Variants in LGSN observed in about 807,000 individuals in gnomAD.
LGSN encodes lengsin, lens protein with glutamine synthetase domain.
In LGSN, 21 loss-of-function variants were observed where a neutral mutation model predicts 19.5. The ratio of observed to expected loss-of-function variants is 1.07; its 90% CI spans 0.76 to 1.55. The LOEUF (loss-of-function observed/expected upper bound fraction) is 1.55, where lower values mean the gene tolerates loss of function less well. Among genes scored for constraint, LGSN ranks in the 40% most tolerant of loss-of-function variants. LGSN has a pLI of 0.00. For synonymous variants in LGSN, 257 were observed against 215.6 expected (o/e 1.19, Z -1.68); for missense variants, 673 against 608.5 (o/e 1.11, Z -1.12).
the LGSN span, among the ~76,000 whole-genome samples, chr6:63,389,372 T>A: frequency 6.6e-6 from 1 of 152,236 alleles, no homozygotes; most frequent in Admixed American, 6.5e-5. Flanking sequence ...TTCTTGTGTT[T>A]CTATGTGTTC....
chr6:63,421,046 T>TAA, the LGSN span, among the ~76,000 whole-genome samples: 5 of 151,748 alleles, frequency 3.3e-5, no homozygotes, highest in South Asian at 4.2e-4. Context: ...GTGAGTCAGG[T>TAA]AAAAAAAATG....
chr6:63,405,669 CAT>C, the LGSN span, among the ~76,000 whole-genome samples: 2 of 152,130 alleles, frequency 1.3e-5, no homozygotes, highest in African/African-American at 4.8e-5. Flanking sequence ...CAAATTCACA[CAT>C]AACAATATTA....
upstream of LGSN, among the ~76,000 whole-genome samples, chr6:63,321,069 T>A (rs1320188784): frequency 6.6e-6 from 1 of 152,144 alleles, no homozygotes. Flanking sequence ...AATATGGCTG[T>A]TTTGGACTCT....
chr6:63,468,693 G>A, the LGSN span, among the ~76,000 whole-genome samples: 1 of 152,190 alleles, frequency 6.6e-6, no homozygotes, highest in African/African-American at 2.4e-5. Flanking sequence ...CTCCCAAAGT[G>A]CTAGGATTAC....
At chr6:63,444,998 G>A in the LGSN span, among the ~76,000 whole-genome samples, 1 of 152,176 alleles carries the variant, frequency 6.6e-6, no homozygotes, top group Non-Finnish European at 1.5e-5. Flanking sequence ...AGTGCCATTT[G>A]CAGGGCAGAC....
At chr6:63,420,091 T>G in the LGSN span, among the ~76,000 whole-genome samples, 3 of 150,970 alleles carry the variant, frequency 2.0e-5, no homozygotes, top group African/African-American at 7.3e-5. Flanking sequence ...TAGTCCCAGC[T>G]ACTCTGGAGG....
At chr6:63,558,550 G>T in the LGSN span, among the ~76,000 whole-genome samples, 1 of 152,194 alleles carries the variant, frequency 6.6e-6, no homozygotes, top group Non-Finnish European at 1.5e-5. Context: ...TCTCATGGGG[G>T]AAGAGAGATT....
chr6:63,569,464 C>G, the LGSN span, among the ~76,000 whole-genome samples: 2 of 152,146 alleles, frequency 1.3e-5, no homozygotes, highest in Non-Finnish European at 2.9e-5. Flanking sequence ...ACCATGTTGA[C>G]CAGGCTGGTC....
chr6:63,372,999 A>G, the LGSN span, among the ~76,000 whole-genome samples: 1 of 152,180 alleles, frequency 6.6e-6, no homozygotes, highest in Non-Finnish European at 1.5e-5. Context: ...GTTTTAATTT[A>G]TTTCCACAAA....
At chr6:63,457,886 TA>T in the LGSN span, among the ~76,000 whole-genome samples, 5 of 151,976 alleles carry the variant, frequency 3.3e-5, no homozygotes, top group Non-Finnish European at 7.4e-5. Flanking sequence ...TTCAAATAAA[TA>T]AATTAATTAA....
chr6:63,389,268 T>A, the LGSN span, among the ~76,000 whole-genome samples: 1 of 152,244 alleles, frequency 6.6e-6, no homozygotes, highest in African/African-American at 2.4e-5. Flanking sequence ...ACCTATTTTC[T>A]ACTCTCATAT....
At chr6:63,504,273 G>T in the LGSN span, among the ~76,000 whole-genome samples, 1 of 146,850 alleles carries the variant, frequency 6.8e-6, no homozygotes, top group African/African-American at 2.5e-5. Flanking sequence ...ACAGAGTCTC[G>T]CTCTGTTGCC....
chr6:63,452,145 G>C, the LGSN span, among the ~76,000 whole-genome samples: 1 of 151,386 alleles, frequency 6.6e-6, no homozygotes, highest in Non-Finnish European at 1.5e-5. Flanking sequence ...TTTTCCGGAA[G>C]AGTTTGTGGA....
chr6:63,395,708 G>T, the LGSN span: 1 of 153,082 alleles, frequency 6.5e-6, no homozygotes, highest in South Asian at 1.8e-4. Context: ...TGGGCTCTGG[G>T]ATTCTCTGGA....
At chr6:63,559,057 C>T in the LGSN span, among the ~76,000 whole-genome samples, 1 of 152,204 alleles carries the variant, frequency 6.6e-6, no homozygotes. Flanking sequence ...GATCATTTTG[C>T]TCACTCTGCT....
chr6:63,432,407 C>G, the LGSN span, among the ~76,000 whole-genome samples: 1 of 151,848 alleles, frequency 6.6e-6, no homozygotes, highest in Non-Finnish European at 1.5e-5. Context: ...ATAAATTTTT[C>G]TAGGCTGAGC....
the LGSN span, among the ~76,000 whole-genome samples, chr6:63,557,972 C>A: frequency 2.0e-5 from 3 of 151,774 alleles, no homozygotes; most frequent in African/African-American, 2.4e-5. Context: ...TCACTGCAAC[C>A]TCCGCCTCCT....
At chr6:63,388,355 T>G in the LGSN span, among the ~76,000 whole-genome samples, 3 of 152,148 alleles carry the variant, frequency 2.0e-5, no homozygotes, top group African/African-American at 4.8e-5. Flanking sequence ...ATGGGCTAAA[T>G]TGTGTTTCCT....
the LGSN span, among the ~76,000 whole-genome samples, chr6:63,502,939 G>A: frequency 6.6e-6 from 1 of 152,148 alleles, no homozygotes; most frequent in South Asian, 2.1e-4. Flanking sequence ...TCATCAGTAA[G>A]AATCTATGAA....
Sources: gnomAD v4.1 joint callset for allele counts (sites outside exome capture counted in the v4.1 genomes callset) on GRCh38, gnomAD v4.1.1 for gene constraint, MANE v1.5 for transcripts, NCBI Gene and HGNC (gene_info 2026-07-23, HGNC 2026-07-21) for gene names.